The following MEIS1 variants were observed in gnomAD, a reference collection of about 807,000 sequenced individuals.
MEIS1 encodes homeobox protein Meis1.
MEIS1 carries 5 observed loss-of-function variants against 50.8 expected under a neutral mutation model. The ratio of observed to expected loss-of-function variants is 0.10; its 90% CI spans 0.05 to 0.21. The LOEUF (loss-of-function observed/expected upper bound fraction) is 0.21. Among genes scored for constraint, MEIS1 ranks in the 10% least tolerant of loss-of-function variants. The pLI is 1.00. For synonymous variants in MEIS1, 176 were observed against 179.3 expected, an observed-to-expected ratio of 0.98 and a Z score of 0.15; for missense variants, 318 against 517.3, an observed-to-expected ratio of 0.61 and a Z score of 3.74.
intron 7 of MEIS1, chr2:66,508,969 C>T: frequency 2.1e-6 from 1 of 467,664 alleles, no homozygotes; most frequent in South Asian, 1.6e-5. Flanking sequence ...TGACATTTTA[C>T]AAATGTGGTT....
intron 8 of MEIS1, among the ~76,000 whole-genome samples, chr2:66,537,130 A>G (rs574835303): frequency 6.6e-6 from 1 of 152,304 alleles, no homozygotes; most frequent in African/African-American, 2.4e-5. Context: ...TGTAGATTTT[A>G]ATGTCCCTAC....
rs1016297271 is a variant in MEIS1, at chr2:66,565,615, T to A, written c.966-1838T>A. On this transcript the variant is annotated intron_variant, in intron 9 of 12. Coordinates refer to ENST00000272369, the MANE Select transcript of MEIS1 (RefSeq NM_002398.3). The stretch of plus-strand genomic sequence containing the variant: ...ATGTGACCTCAAAGAAGTCACCTAA[T>A]TTCTCTGAGCCCAGGCTTCTCATCT... 2.0e-5 allele frequency among the ~76,000 whole-genome samples: 3 copies of A among 152,310 alleles called. No individual in the cohort carries two copies. The East Asian group carries it at 5.8e-4, about 29-fold the overall frequency.
intron 8 of MEIS1, among the ~76,000 whole-genome samples, chr2:66,515,645 G>T (rs951179562): frequency 1.3e-5 from 2 of 152,124 alleles, no homozygotes; most frequent in Non-Finnish European, 2.9e-5. Flanking sequence ...TGATTATGGG[G>T]TAAGAAGAAA....
intron 7 of MEIS1, among the ~76,000 whole-genome samples, chr2:66,482,363 AC>A (rs750571627): frequency 1.8e-4 from 28 of 152,140 alleles, no homozygotes; most frequent in Non-Finnish European, 3.7e-4. Context: ...GGTGAGAATA[AC>A]CTAAGGCCTG....
At chr2:66,466,031 A>G (rs75421603) in intron 7 of MEIS1, among the ~76,000 whole-genome samples, 1 of 152,142 alleles carries the variant, frequency 6.6e-6, no homozygotes, top group Non-Finnish European at 1.5e-5. Context: ...TCCAATACCT[A>G]GTTGTTTTTA....
chr2:66,569,202 C>T (rs1675424513), intron 12 of MEIS1, 57 bp downstream of exon 12: 6 of 1,440,924 alleles, frequency 4.2e-6, no homozygotes, highest in Non-Finnish European at 4.8e-6. Context: ...TTTCCTCTTG[C>T]ATTTTCTTAT....
chr2:66,457,271 G>C lies in MEIS1; in HGVS notation c.631-6838G>C, dbSNP rs74660957. On this transcript the variant is annotated intron_variant, in intron 6 of 12. Transcript: ENST00000272369. ...GAGTATGTTTTGAGAGGAGCAGGCT[G>C]TATCTAGCAAATTATAGGTGCTCAA... 1.6e-4 allele frequency among the ~76,000 whole-genome samples: 24 copies of C among 151,624 alleles called. No homozygotes were observed. The East Asian group carries it at 4.7e-3, about 29-fold the overall frequency.
intron 7 of MEIS1, among the ~76,000 whole-genome samples, chr2:66,486,500 G>C (rs1673145968): frequency 6.6e-6 from 1 of 152,124 alleles, no homozygotes; most frequent in Non-Finnish European, 1.5e-5. Flanking sequence ...GGTTACTGTA[G>C]CCTTGTAGCA....
At chr2:66,505,683 A>G (rs1250384641) in intron 7 of MEIS1, among the ~76,000 whole-genome samples, 1 of 152,214 alleles carries the variant, frequency 6.6e-6, no homozygotes, top group Non-Finnish European at 1.5e-5. Context: ...GCAGAAAGAA[A>G]CAACCTTTGC....
chr2:66,562,962 A>G (rs1675254361), intron 9 of MEIS1, among the ~76,000 whole-genome samples: 1 of 152,178 alleles, frequency 6.6e-6, no homozygotes, highest in Non-Finnish European at 1.5e-5. Flanking sequence ...CTAACCTTAA[A>G]GCATACTAAA....
intron 7 of MEIS1, among the ~76,000 whole-genome samples, chr2:66,494,203 C>A (rs1673341704): frequency 6.6e-6 from 1 of 152,186 alleles, no homozygotes; most frequent in African/African-American, 2.4e-5. Flanking sequence ...TCACTTGTTC[C>A]ATATGTAATA....
rs1001279888 is a variant in MEIS1, at chr2:66,571,367, C to T, written c.*159C>T. The T allele has an allele frequency of 6.2e-7, 1 of 1,602,284 alleles. No individual in the cohort carries two copies. Among genetic ancestry groups the T allele is most frequent in the Non-Finnish European group, 8.5e-7 (1 of 1,174,550 alleles). ...ATCCTGCTCAGCTGCGTCATGGGCCCCCCATGCATACGTACATTCCTGGAC... is the reference window on the plus strand; with the variant it reads ...ATCCTGCTCAGCTGCGTCATGGGCCTCCCATGCATACGTACATTCCTGGAC... On this transcript the variant is annotated 3_prime_UTR_variant, in exon 13 of 13. Transcript: ENST00000272369.
chr2:66,484,868 A>T (rs956984079), intron 7 of MEIS1, among the ~76,000 whole-genome samples: 1 of 152,072 alleles, frequency 6.6e-6, no homozygotes, highest in African/African-American at 2.4e-5. Context: ...CCAAAAAGGG[A>T]ATTTCTAATA....
At chr2:66,437,997 G>A in intron 2 of MEIS1, 34 bp downstream of exon 2, 1 of 1,512,364 alleles carries the variant, frequency 6.6e-7, no homozygotes, top group Non-Finnish European at 9.0e-7. Flanking sequence ...AAGTAGTTGA[G>A]ACTCAACGCT....
chr2:66,473,397 A>AAAAAATATATATATATATATATATATAT, intron 7 of MEIS1, among the ~76,000 whole-genome samples: 1 of 107,590 alleles, frequency 9.3e-6, no homozygotes, highest in African/African-American at 5.8e-5. Flanking sequence ...AAAAAAAAAA[A>AAAAAATATATATATATATATATATATAT]ATATATATAT....
At chr2:66,450,124 A>G (rs1049604240) in intron 6 of MEIS1, among the ~76,000 whole-genome samples, 1 of 152,188 alleles carries the variant, frequency 6.6e-6, no homozygotes. Context: ...TTTCCATGAC[A>G]TATGGACCAA....
chr2:66,495,459 A>G (rs1482028657), intron 7 of MEIS1, among the ~76,000 whole-genome samples: 1 of 152,218 alleles, frequency 6.6e-6, no homozygotes, highest in Non-Finnish European at 1.5e-5. Flanking sequence ...TGCCCCAAAT[A>G]TAACAGAGAT....
At chr2:66,459,100 A>G (rs1198492530) in intron 6 of MEIS1, among the ~76,000 whole-genome samples, 1 of 152,170 alleles carries the variant, frequency 6.6e-6, no homozygotes, top group African/African-American at 2.4e-5. Context: ...TCAGAGCAGC[A>G]GAGCCTCACT....
chr2:66,535,424 T>A (rs1392062429), intron 8 of MEIS1, among the ~76,000 whole-genome samples: 1 of 152,222 alleles, frequency 6.6e-6, no homozygotes. Context: ...TGATGAAATA[T>A]ATTTTTGCCA....
Sources: allele counts gnomAD v4.1 joint callset (sites outside exome capture counted in the v4.1 genomes callset), GRCh38; gene constraint gnomAD v4.1.1; transcripts MANE v1.5; gene names NCBI Gene and HGNC (gene_info 2026-07-23, HGNC 2026-07-21).